CCDC7: variants seen among roughly 807,000 people sequenced by gnomAD.
CCDC7 encodes coiled-coil domain containing 7.
CCDC7 carries 183 observed loss-of-function variants against 196.9 expected under a neutral mutation model. The observed-to-expected ratio is 0.93, with a 90% CI of 0.82 to 1.05. The LOEUF (loss-of-function observed/expected upper bound fraction) is 1.05, where lower values mean the gene tolerates loss of function less well. Ranked by LOEUF, CCDC7 falls within the 50% of genes least tolerant of loss-of-function variation. CCDC7 has a pLI of 0.00. For synonymous variants in CCDC7, 525 were observed against 484.6 expected, an observed-to-expected ratio of 1.08 and a Z score of -1.10; for missense variants, 1,540 against 1,482.2, an observed-to-expected ratio of 1.04 and a Z score of -0.64.
At chr10:32,696,264 G>A (rs1252135938) in intron 24 of CCDC7, among the ~76,000 whole-genome samples, 1 of 152,088 alleles carries the variant, frequency 6.6e-6, no homozygotes, top group African/African-American at 2.4e-5. Flanking sequence ...CAGGATGTTG[G>A]TGGTGGTGGC....
chr10:32,483,423 A>C (rs2134192166), intron 8 of CCDC7, among the ~76,000 whole-genome samples: 1 of 152,244 alleles, frequency 6.6e-6, no homozygotes, highest in South Asian at 2.1e-4. Context: ...AGATTGCAGA[A>C]ATTTTCTCCC....
At chr10:32,820,603 G>A (rs1380368808) in intron 31 of CCDC7, among the ~76,000 whole-genome samples, 1 of 152,122 alleles carries the variant, frequency 6.6e-6, no homozygotes, top group East Asian at 1.9e-4. Context: ...GCATGGTACT[G>A]GTACCAAAAC....
intron 8 of CCDC7, among the ~76,000 whole-genome samples, chr10:32,484,504 A>G (rs1378948743): frequency 1.4e-4 from 22 of 152,124 alleles, no homozygotes. Flanking sequence ...CTCTTGCCTT[A>G]TTGCCGTGGC....
intron 28 of CCDC7, among the ~76,000 whole-genome samples, chr10:32,739,937 C>A (rs2085539550): frequency 6.6e-6 from 1 of 151,596 alleles, no homozygotes; most frequent in African/African-American, 2.4e-5. Context: ...CTGTAATCTG[C>A]TATTATTATG....
chr10:32,457,183 C>T (rs1280535028), intron 3 of CCDC7, among the ~76,000 whole-genome samples: 3 of 152,032 alleles, frequency 2.0e-5, no homozygotes, highest in African/African-American at 7.2e-5. Context: ...AATCATGATT[C>T]TACTCTCTGC....
chr10:32,630,867 A>G (rs1438188902), intron 18 of CCDC7, among the ~76,000 whole-genome samples: 1 of 152,170 alleles, frequency 6.6e-6, no homozygotes, highest in African/African-American at 2.4e-5. Flanking sequence ...CAGTCAGGAA[A>G]TGGGGTCTAC....
intron 28 of CCDC7, among the ~76,000 whole-genome samples, chr10:32,747,486 C>T (rs1173388269): frequency 6.6e-6 from 1 of 152,070 alleles, no homozygotes; most frequent in African/African-American, 2.4e-5. Context: ...GGTCTAGTAT[C>T]CAGCATCTAT....
At chr10:32,625,589 A>G (rs964449591) in intron 18 of CCDC7, among the ~76,000 whole-genome samples, 8 of 152,078 alleles carry the variant, frequency 5.3e-5, no homozygotes, top group African/African-American at 1.7e-4. Context: ...TTATAGTGAG[A>G]ACATTTGAAA....
chr10:32,867,571 A>G (rs2094248239), intron 41 of CCDC7, among the ~76,000 whole-genome samples: 1 of 151,420 alleles, frequency 6.6e-6, no homozygotes, highest in Non-Finnish European at 1.5e-5. Flanking sequence ...AAACCCTATT[A>G]TACAAAAAGC....
At chr10:32,755,478 C>T (rs538934896) in intron 28 of CCDC7, among the ~76,000 whole-genome samples, 51 of 152,202 alleles carry the variant, frequency 3.4e-4, no homozygotes, top group South Asian at 6.2e-4. Context: ...TGGTGATACC[C>T]AGGCAAATAG....
intron 18 of CCDC7, among the ~76,000 whole-genome samples, chr10:32,623,360 G>T (rs770632706): frequency 6.6e-6 from 1 of 151,924 alleles, no homozygotes; most frequent in African/African-American, 2.4e-5. Flanking sequence ...ATATGATAGG[G>T]TATATAACCT....
At chr10:32,723,496 G>A (rs535842731) in intron 25 of CCDC7, among the ~76,000 whole-genome samples, 46 of 152,214 alleles carry the variant, frequency 3.0e-4, no homozygotes, top group African/African-American at 1.1e-3. Flanking sequence ...TACATTGGAA[G>A]AATAGTCCAA....
At chr10:32,839,583 T>C (rs1219552416) in intron 33 of CCDC7, among the ~76,000 whole-genome samples, 1 of 151,974 alleles carries the variant, frequency 6.6e-6, no homozygotes, top group Non-Finnish European at 1.5e-5. Context: ...CTGACAGCAC[T>C]AGACAAATCA....
intron 24 of CCDC7, among the ~76,000 whole-genome samples, chr10:32,704,586 G>T (rs1379874842): frequency 3.3e-5 from 5 of 152,202 alleles, no homozygotes; most frequent in African/African-American, 1.2e-4. Context: ...CCTTTTGTTT[G>T]GGTATGCCCT....
intron 30 of CCDC7, among the ~76,000 whole-genome samples, chr10:32,810,140 A>G (rs1326880587): frequency 6.6e-6 from 1 of 152,196 alleles, no homozygotes. Flanking sequence ...GAAACAAAGG[A>G]TAAAGAAAAC....
intron 5 of CCDC7, among the ~76,000 whole-genome samples, chr10:32,464,202 A>G (rs796657409): frequency 6.6e-5 from 10 of 152,250 alleles, no homozygotes; most frequent in African/African-American, 1.9e-4. Flanking sequence ...GTCATTAACT[A>G]AATTACTTTT....
At chr10:32,867,010 T>C (rs960184127) in intron 41 of CCDC7, among the ~76,000 whole-genome samples, 1 of 151,474 alleles carries the variant, frequency 6.6e-6, no homozygotes, top group African/African-American at 2.4e-5. Context: ...TAAAACCAAA[T>C]TGAAAAATAT....
intron 41 of CCDC7, among the ~76,000 whole-genome samples, chr10:32,875,208 T>C (rs762047690): frequency 1.3e-5 from 2 of 152,048 alleles, no homozygotes; most frequent in Non-Finnish European, 2.9e-5. Flanking sequence ...AATCTTTGCC[T>C]GATCCTATGT....
intron 21 of CCDC7, among the ~76,000 whole-genome samples, chr10:32,671,801 A>T (rs1449940337): frequency 1.3e-5 from 2 of 152,028 alleles, no homozygotes; most frequent in East Asian, 3.9e-4. Context: ...GGCACTCATG[A>T]GATTGAGAGT....
Sources: allele counts gnomAD v4.1 joint callset (sites outside exome capture counted in the v4.1 genomes callset), GRCh38; gene constraint gnomAD v4.1.1; transcripts MANE v1.5; gene names NCBI Gene and HGNC (gene_info 2026-07-23, HGNC 2026-07-21).